Variants in OTUD7A observed in about 807,000 individuals in gnomAD.
The protein encoded by OTUD7A is OTU domain-containing protein 7A.
Under a neutral mutation model 65.7 loss-of-function variants are expected in OTUD7A, and 12 were observed. The ratio of observed to expected loss-of-function variants is 0.18; its 90% CI spans 0.12 to 0.30. OTUD7A has a LOEUF of 0.30. OTUD7A is among the 10% of genes least tolerant of loss of function. OTUD7A has a pLI of 1.00. For synonymous variants in OTUD7A, 641 were observed against 586.3 expected (o/e 1.09, Z -1.35); for missense variants, 1,148 against 1,304.8 (o/e 0.88, Z 1.85).
In OTUD7A at chr15:31,860,677, G is replaced by GTGTGTATATATATATATATA. The variant is rs560896384; in HGVS notation, c.-100+9829_-100+9830insTATATATATATATATACACA. On this transcript the variant is annotated intron_variant, in intron 1 of 12. Coordinates refer to ENST00000307050, the MANE Select transcript of OTUD7A (RefSeq NM_001382637.1). ...TGTGTGTATATATAGATGTATGTGT[G>GTGTGTATATATATATATATA]TATATATATATATATATATATATGT... Among the ~76,000 whole-genome samples, 311 of 73,266 alleles carry GTGTGTATATATATATATATA rather than the reference G, an allele frequency of 4.2e-3. 7 individuals carry two copies. Among genetic ancestry groups the GTGTGTATATATATATATATA allele is most frequent in the Middle Eastern group, 0.02 (2 of 102 alleles). The allele number at this position is 73,266 out of a possible 152,430, so 48.1% of individuals were successfully genotyped here.
intron 1 of OTUD7A, among the ~76,000 whole-genome samples, chr15:31,739,568 A>T (rs948303991): frequency 1.3e-5 from 2 of 152,194 alleles, no homozygotes; most frequent in African/African-American, 2.4e-5. Flanking sequence ...TAAGGTTTTT[A>T]AAATGCAATG....
At position 31,839,101 on chromosome 15, in the gene OTUD7A, TGGCCAGGTGAGCCCTGGCCTCAG is replaced by T. The variant is rs532522961; in HGVS notation, c.-100+31383_-100+31405del. The stretch of plus-strand genomic sequence containing the variant: ...CTGGTGGGAGAACCAGCAGAGTGGC[TGGCCAGGTGAGCCCTGGCCTCAG>T]GGCCAGGTTCCTCTGGCTTGGAGCA... On this transcript the variant is annotated intron_variant, in intron 1 of 12. Coordinates refer to ENST00000307050, the MANE Select transcript of OTUD7A (RefSeq NM_001382637.1). Among the ~76,000 whole-genome samples the T allele has an allele frequency of 2.5e-3, 380 of 152,324 alleles. 1 individual carries two copies. Among genetic ancestry groups the T allele is most frequent in the Admixed American group, 4.2e-3 (65 of 15,306 alleles).
At chr15:31,625,038 A>C (rs1261683087) in intron 3 of OTUD7A, among the ~76,000 whole-genome samples, 1 of 152,236 alleles carries the variant, frequency 6.6e-6, no homozygotes, top group East Asian at 1.9e-4. Context: ...GGCTTCCACC[A>C]TAAGCTGTCG....
At chr15:31,655,782 T>C (rs1466850290) in intron 2 of OTUD7A, among the ~76,000 whole-genome samples, 1 of 152,180 alleles carries the variant, frequency 6.6e-6, no homozygotes, top group African/African-American at 2.4e-5. Context: ...TTCCAATAAC[T>C]GATGAGGAAA....
At chr15:31,565,930 C>T (rs187494734) in intron 4 of OTUD7A, among the ~76,000 whole-genome samples, 145 of 152,246 alleles carry the variant, frequency 9.5e-4, no homozygotes, top group Admixed American at 2.2e-3. Flanking sequence ...CGGTGGCTCA[C>T]GCCTGTAATC....
At chr15:31,857,255 G>A (rs1321719073) in intron 1 of OTUD7A, among the ~76,000 whole-genome samples, 1 of 152,202 alleles carries the variant, frequency 6.6e-6, no homozygotes, top group Non-Finnish European at 1.5e-5. Context: ...AGAGCCCACG[G>A]TAGCACCTAG....
chr15:31,741,412 GTTGGT>G (rs58247200), intron 1 of OTUD7A, among the ~76,000 whole-genome samples: 2,567 of 152,294 alleles, frequency 0.017, 79 homozygotes, highest in African/African-American at 0.059. Context: ...CATGTGCCAT[GTTGGT>G]TTGCTGCACC....
chr15:31,629,750 A>G (rs1891083186), intron 3 of OTUD7A, among the ~76,000 whole-genome samples: 1 of 152,156 alleles, frequency 6.6e-6, no homozygotes, highest in Middle Eastern at 3.2e-3. Flanking sequence ...TAAGCTATTG[A>G]TTATTGCTAA....
chr15:31,644,903 A>C (rs1378423478), intron 3 of OTUD7A, among the ~76,000 whole-genome samples: 1 of 152,190 alleles, frequency 6.6e-6, no homozygotes, highest in Non-Finnish European at 1.5e-5. Flanking sequence ...GCTCTGTATC[A>C]GCCCCAGGCA....
intron 5 of OTUD7A, among the ~76,000 whole-genome samples, chr15:31,535,601 C>G (rs1303658214): frequency 6.6e-6 from 1 of 151,660 alleles, no homozygotes; most frequent in African/African-American, 2.4e-5. Flanking sequence ...CTCAATAAAA[C>G]TAGTTGCTAA....
At chr15:31,649,089 T>C (rs1436493730) in intron 3 of OTUD7A, among the ~76,000 whole-genome samples, 1 of 152,190 alleles carries the variant, frequency 6.6e-6, no homozygotes, top group Non-Finnish European at 1.5e-5. Flanking sequence ...CGCTTACCTA[T>C]ATGGCACTGG....
At chr15:31,709,393 A>C (rs1232118882) in intron 1 of OTUD7A, among the ~76,000 whole-genome samples, 1 of 152,098 alleles carries the variant, frequency 6.6e-6, no homozygotes, top group Non-Finnish European at 1.5e-5. Flanking sequence ...TTCTCTGGAC[A>C]CCAGCCTGCA....
chr15:31,711,070 G>GA (rs201058018), intron 1 of OTUD7A, among the ~76,000 whole-genome samples: 79,513 of 131,748 alleles, frequency 0.6, 22,728 homozygotes, highest in South Asian at 0.72. Flanking sequence ...GCCTGACTAG[G>GA]AAAAAAAAAA....
rs2338911 is a variant in OTUD7A, at chr15:31,673,146, C to T, written c.-99-16069G>A. Among the ~76,000 whole-genome samples, 35 of 152,244 alleles carry T rather than the reference C, an allele frequency of 2.3e-4. 1 individual carries two copies. The South Asian group carries it at 6.6e-3, about 29-fold the overall frequency. ...ATATTCCAATAAATCCATCTTAAAG[C>T]TGAAATAAGTCGAACCATCGTTAAG... On this transcript the variant is annotated intron_variant, in intron 1 of 12. Transcript: ENST00000307050.
chr15:31,543,880 A>G (rs944681779), intron 5 of OTUD7A, among the ~76,000 whole-genome samples: 2 of 151,878 alleles, frequency 1.3e-5, no homozygotes, highest in African/African-American at 4.8e-5. Flanking sequence ...AAGATGTGAA[A>G]AACATAATAA....
intron 3 of OTUD7A, among the ~76,000 whole-genome samples, chr15:31,632,919 G>A (rs538812756): frequency 1.1e-3 from 170 of 152,336 alleles, no homozygotes; most frequent in Non-Finnish European, 2.1e-3. Context: ...AGGACCCTCC[G>A]AGCCAGATGC....
intron 1 of OTUD7A, among the ~76,000 whole-genome samples, chr15:31,657,508 C>T (rs545158501): frequency 2.0e-5 from 3 of 150,666 alleles, no homozygotes; most frequent in Non-Finnish European, 4.4e-5. Flanking sequence ...CAGGCGCCCA[C>T]CACCATGCCC....
chr15:31,751,499 G>T (rs1162884070), intron 1 of OTUD7A, among the ~76,000 whole-genome samples: 2 of 152,212 alleles, frequency 1.3e-5, no homozygotes, highest in East Asian at 3.8e-4. Flanking sequence ...GCAGAAAGCA[G>T]TTTGGAGATG....
intron 3 of OTUD7A, among the ~76,000 whole-genome samples, chr15:31,644,145 C>G (rs536834807): frequency 1.1e-4 from 17 of 152,048 alleles, no homozygotes; most frequent in South Asian, 4.2e-4. Context: ...GAGATTCATG[C>G]TCTACGCAGA....
Sources: gnomAD v4.1 joint callset for allele counts (sites outside exome capture counted in the v4.1 genomes callset) on GRCh38, gnomAD v4.1.1 for gene constraint, MANE v1.5 for transcripts, NCBI Gene and HGNC (gene_info 2026-07-23, HGNC 2026-07-21) for gene names.